BTRC: variants seen among roughly 807,000 people sequenced by gnomAD.
BTRC encodes F-box/WD repeat-containing protein 1A.
Under a neutral mutation model 85.5 loss-of-function variants are expected in BTRC, and 42 were observed. The ratio of observed to expected loss-of-function variants is 0.49; its 90% CI spans 0.38 to 0.64. BTRC has a LOEUF of 0.64. Ranked by LOEUF, BTRC falls within the 30% of genes least tolerant of loss-of-function variation. The probability of loss-of-function intolerance (pLI) is 0.00; values close to 1 mark genes in which losing one functional copy is unlikely to be tolerated. For missense variants in BTRC, 594 were observed against 743.5 expected (o/e 0.80, Z 2.34); for synonymous variants, 255 against 263.3 (o/e 0.97, Z 0.30).
chr10:101,501,338 C>T (rs1946396485), intron 4 of BTRC, among the ~76,000 whole-genome samples: 1 of 152,138 alleles, frequency 6.6e-6, no homozygotes, highest in South Asian at 2.1e-4. Context: ...GTTTAAGAGC[C>T]AGACTGAGCT....
intron 1 of BTRC, among the ~76,000 whole-genome samples, chr10:101,397,889 G>GCT (rs1398258053): frequency 6.6e-6 from 1 of 152,170 alleles, no homozygotes; most frequent in African/African-American, 2.4e-5. Flanking sequence ...ATTTATTTTA[G>GCT]CTCTATCTTT....
chr10:101,405,581 T>TA (rs545624696), intron 1 of BTRC, among the ~76,000 whole-genome samples: 5 of 152,198 alleles, frequency 3.3e-5, no homozygotes, highest in Non-Finnish European at 7.3e-5. Flanking sequence ...GGAGGAATAA[T>TA]AAAAAGATAA....
chr10:101,517,022 T>C (rs74153246), intron 4 of BTRC, among the ~76,000 whole-genome samples: 24 of 152,358 alleles, frequency 1.6e-4, no homozygotes, highest in African/African-American at 5.8e-4. Flanking sequence ...TAAGCCTGCC[T>C]GTGTGTTAGT....
At chr10:101,404,482 C>T (rs1001834639) in intron 1 of BTRC, among the ~76,000 whole-genome samples, 6 of 152,112 alleles carry the variant, frequency 3.9e-5, no homozygotes, top group African/African-American at 1.4e-4. Context: ...TAATATTATG[C>T]AACTCAGTTT....
At chr10:101,466,896 C>A (rs1945387011) in intron 3 of BTRC, among the ~76,000 whole-genome samples, 1 of 152,082 alleles carries the variant, frequency 6.6e-6, no homozygotes, top group Admixed American at 6.6e-5. Flanking sequence ...TGGAGTAGAT[C>A]CACAAAAAAC....
intron 1 of BTRC, among the ~76,000 whole-genome samples, chr10:101,357,934 G>T (rs1942089975): frequency 6.6e-6 from 1 of 152,164 alleles, no homozygotes; most frequent in Non-Finnish European, 1.5e-5. Context: ...AGGTCCTCAA[G>T]GACCTTTCTT....
At position 101,432,613 on chromosome 10, in the gene BTRC, T is replaced by C. The variant is rs189052995; in HGVS notation, c.156+2161T>C. 5.9e-5 allele frequency among the ~76,000 whole-genome samples: 9 copies of C among 152,296 alleles called. No homozygotes were observed. In the East Asian group the frequency reaches 1.7e-3, roughly 29 times the overall value. On this transcript the variant is annotated intron_variant, in intron 2 of 14. Transcript: ENST00000370187. The stretch of plus-strand genomic sequence containing the variant: ...AAAAGGCTGCTCCTACTTCAGAAAC[T>C]AGTTTCATGTTTAGAGGCCCCCACA...
intron 12 of BTRC, 48 bp from the exon 13 acceptor site, chr10:101,538,245 C>G (rs780975986): frequency 6.8e-7 from 1 of 1,480,764 alleles, no homozygotes; most frequent in East Asian, 2.3e-5. Context: ...CCTGCCTTCT[C>G]TTACATTTGC....
chr10:101,506,247 C>A (rs535055183), intron 4 of BTRC, among the ~76,000 whole-genome samples: 1 of 152,256 alleles, frequency 6.6e-6, no homozygotes, highest in Non-Finnish European at 1.5e-5. Flanking sequence ...TTTTACCTTT[C>A]AAAATGGGTG....
chr10:101,397,976 A>T (rs79758656), intron 1 of BTRC, among the ~76,000 whole-genome samples: 1 of 152,236 alleles, frequency 6.6e-6, no homozygotes, highest in South Asian at 2.1e-4. Flanking sequence ...CCACTTGCTC[A>T]TCACAGCAAG....
At chr10:101,391,250 A>G (rs905483242) in intron 1 of BTRC, among the ~76,000 whole-genome samples, 3 of 152,218 alleles carry the variant, frequency 2.0e-5, no homozygotes, top group African/African-American at 4.8e-5. Context: ...ATCTTTTTGA[A>G]TTAGAAAAGG....
chr10:101,414,526 G>A lies in BTRC; in HGVS notation c.49-15819G>A, dbSNP rs556486892. On this transcript the variant is annotated intron_variant, in intron 1 of 14. Coordinates refer to ENST00000370187, the MANE Select transcript of BTRC (RefSeq NM_033637.4). ...GTATTTTTTATTGTTATTTTAGAGTGGGCTACTTCTACTTATTAAAAAAAA... is the reference window on the plus strand; with the variant it reads ...GTATTTTTTATTGTTATTTTAGAGTAGGCTACTTCTACTTATTAAAAAAAA... The A allele has an allele frequency of 1.9e-4, 73 of 382,032 alleles. 1 individual carries two copies. Among genetic ancestry groups the A allele is most frequent in the South Asian group, 1.5e-3 (73 of 48,022 alleles). The allele number at this position is 382,032 out of a possible 1,614,324, so 23.7% of individuals were successfully genotyped here.
chr10:101,504,036 T>C (rs1193179283), intron 4 of BTRC, among the ~76,000 whole-genome samples: 6 of 152,202 alleles, frequency 3.9e-5, no homozygotes, highest in Non-Finnish European at 8.8e-5. Context: ...TAGAACTGAA[T>C]TTTCTGATGC....
chr10:101,499,215 G>C (rs1035539722), intron 4 of BTRC, among the ~76,000 whole-genome samples: 1 of 152,090 alleles, frequency 6.6e-6, no homozygotes, highest in Non-Finnish European at 1.5e-5. Flanking sequence ...CACTTGGCCT[G>C]TACCTGGGCT....
intron 13 of BTRC, among the ~76,000 whole-genome samples, chr10:101,545,403 AAC>A (rs2062543334): frequency 6.6e-6 from 1 of 152,246 alleles, no homozygotes; most frequent in South Asian, 2.1e-4. Flanking sequence ...CGAAAGATAT[AAC>A]ACATGTTATA....
chr10:101,518,516 G>A (rs2062055776), intron 4 of BTRC, among the ~76,000 whole-genome samples: 1 of 152,164 alleles, frequency 6.6e-6, no homozygotes, highest in South Asian at 2.1e-4. Flanking sequence ...TCACAGAATA[G>A]GACATAATCT....
intron 1 of BTRC, among the ~76,000 whole-genome samples, chr10:101,395,275 C>T (rs984379543): frequency 6.6e-6 from 1 of 152,096 alleles, no homozygotes; most frequent in African/African-American, 2.4e-5. Flanking sequence ...GTTTAATTTT[C>T]GTGTGAGAGT....
At chr10:101,410,467 T>C (rs1176302725) in intron 1 of BTRC, among the ~76,000 whole-genome samples, 1 of 151,876 alleles carries the variant, frequency 6.6e-6, no homozygotes, top group South Asian at 2.1e-4. Context: ...ATACAAATAT[T>C]AGCCAGGCAC....
chr10:101,461,937 T>C (rs751373171), intron 2 of BTRC, 44 bp from the exon 3 acceptor site: 30 of 1,382,662 alleles, frequency 2.2e-5, no homozygotes, highest in Admixed American at 5.5e-5. Flanking sequence ...AAGGATAAGA[T>C]TGAAGATAAT....
Sources: gnomAD v4.1 joint callset for allele counts (sites outside exome capture counted in the v4.1 genomes callset) on GRCh38, gnomAD v4.1.1 for gene constraint, MANE v1.5 for transcripts, NCBI Gene and HGNC (gene_info 2026-07-23, HGNC 2026-07-21) for gene names.